The following SVEP1 variants were observed in gnomAD, a reference collection of about 807,000 sequenced individuals.
SVEP1 encodes the protein sushi, von Willebrand factor type A, EGF and pentraxin domain-containing protein 1.
SVEP1 carries 164 observed loss-of-function variants against 367.3 expected under a neutral mutation model. The ratio of observed to expected loss-of-function variants is 0.45; its 90% CI spans 0.39 to 0.51. SVEP1 has a LOEUF of 0.51. Ranked by LOEUF, SVEP1 falls within the 20% of genes least tolerant of loss-of-function variation. The probability of loss-of-function intolerance (pLI) is 0.00; values close to 1 mark genes in which losing one functional copy is unlikely to be tolerated. For synonymous variants in SVEP1, 1,666 were observed against 1,611.6 expected (o/e 1.03, Z -0.81); for missense variants, 4,117 against 4,425.3 (o/e 0.93, Z 1.98).
chr9:110,424,464 A>G (rs1219739545), intron 36 of SVEP1, among the ~76,000 whole-genome samples: 3 of 152,186 alleles, frequency 2.0e-5, no homozygotes, highest in Admixed American at 2.0e-4. Context: ...TTATGGGGGA[A>G]TATGTATTTA....
At position 110,549,933 on chromosome 9, in the gene SVEP1, C is replaced by A. The variant is rs942744358; in HGVS notation, c.703G>T (p.Ala235Ser). 3.7e-6 allele frequency: 6 copies of A among 1,614,012 alleles called. No individual in the cohort carries two copies. Among genetic ancestry groups the A allele is most frequent in the Non-Finnish European group, 5.1e-6 (6 of 1,179,898 alleles). Residue 235 changes from alanine (A) to serine (S), a missense_variant, in exon 2 of 48, where the codon GCT becomes TCT. By Grantham distance (99) the Ala-to-Ser change is moderately conservative (BLOSUM62 1). Transcript: ENST00000374469. ...QGNIRELNDM[A>S]STPKEEHCYL... The stretch of plus-strand genomic sequence containing the variant: ...CAGTGCTCCTCCTTTGGGGTGGAAG[C>A]CATGTCATTCAGCTCTCGAATGTTC...
intron 24 of SVEP1, among the ~76,000 whole-genome samples, chr9:110,447,585 T>G (rs1286132178): frequency 2.0e-5 from 3 of 152,222 alleles, no homozygotes; most frequent in African/African-American, 7.2e-5. Context: ...CAAACCATTT[T>G]AAACTCATCA....
intron 28 of SVEP1, among the ~76,000 whole-genome samples, chr9:110,435,715 A>T (rs965191756): frequency 6.6e-6 from 1 of 152,222 alleles, no homozygotes; most frequent in African/African-American, 2.4e-5. Flanking sequence ...GAGGAAGCTG[A>T]GGCTTAGAGA....
chr9:110,504,528 C>A (rs1470818264), intron 5 of SVEP1, among the ~76,000 whole-genome samples: 3 of 152,074 alleles, frequency 2.0e-5, no homozygotes, highest in Admixed American at 2.0e-4. Context: ...GATGGTATAG[C>A]AAAAAACATA....
In SVEP1 at chr9:110,514,341, G is replaced by A. The variant is rs190162695; in HGVS notation, c.965-235C>T. Among the ~76,000 whole-genome samples the A allele has an allele frequency of 3.5e-3, 537 of 151,700 alleles. 2 individuals are homozygous for A. Among genetic ancestry groups the A allele is most frequent in the African/African-American group, 0.012 (497 of 41,390 alleles). On this transcript the variant is annotated intron_variant, in intron 3 of 47. Coordinates refer to ENST00000374469, the MANE Select transcript of SVEP1 (RefSeq NM_153366.4). ...AGCCTGGCCAACATGATGAAACCCT[G>A]TCTCTACTAAAAATACAAAAAATTA...
At position 110,434,278 on chromosome 9, in the gene SVEP1, G is replaced by A. The variant is rs76176142; in HGVS notation, c.5059+58C>T. 1.4e-5 allele frequency: 22 copies of A among 1,519,610 alleles called. No homozygotes were observed. The East Asian group carries it at 4.5e-4, about 31-fold the overall frequency. 94.1% of individuals were successfully genotyped at this position (1,519,610 alleles called of 1,614,324 possible). A position where few individuals can be genotyped will look rare whatever the true frequency, so the allele number is the denominator to read the frequency against. On this transcript the variant is annotated intron_variant, in intron 30 of 47. Coordinates refer to ENST00000374469, the MANE Select transcript of SVEP1 (RefSeq NM_153366.4). ...TCTTTGTCTAGCATTCCTGAAAAGA[G>A]TTATGTTTTCAATATTTTTCAAAAG...
At chr9:110,374,134 C>G (rs751399835) in intron 46 of SVEP1, among the ~76,000 whole-genome samples, 26 of 152,062 alleles carry the variant, frequency 1.7e-4, no homozygotes, top group Admixed American at 3.9e-4. Context: ...TTATTTTGTT[C>G]TGATCCTCTC....
At chr9:110,522,787 C>G (rs918914497) in intron 3 of SVEP1, among the ~76,000 whole-genome samples, 1 of 151,862 alleles carries the variant, frequency 6.6e-6, no homozygotes, top group Admixed American at 6.6e-5. Context: ...TCTTTCTTCA[C>G]TCCTCTACCT....
At chr9:110,373,459 T>C (rs927904264) in intron 46 of SVEP1, among the ~76,000 whole-genome samples, 15 of 152,278 alleles carry the variant, frequency 9.9e-5, no homozygotes, top group Admixed American at 9.1e-4. Context: ...CTAAATTATA[T>C]GGTCTTTCCA....
chr9:110,521,654 T>A (rs1274911650), intron 3 of SVEP1, among the ~76,000 whole-genome samples: 7 of 152,170 alleles, frequency 4.6e-5, no homozygotes, highest in Non-Finnish European at 1.0e-4. Context: ...AAATGAATCC[T>A]TTGTTGTTGA....
intron 5 of SVEP1, among the ~76,000 whole-genome samples, chr9:110,505,093 G>A (rs139991493): frequency 2.0e-5 from 3 of 152,232 alleles, no homozygotes; most frequent in African/African-American, 4.8e-5. Context: ...AAAGTGCCAC[G>A]AGTTATCCAG....
rs774070800 is a variant in SVEP1 at position 110,503,228 on chromosome 9, T to G, written c.1304-11A>C. 3 of 1,602,276 alleles carry G rather than the reference T, an allele frequency of 1.9e-6. No individual in the cohort carries two copies. The highest frequency in any genetic ancestry group is 2.2e-5 in the East Asian group (1 of 44,834). ...GAGGACATGTTCTTACTATGTAAAA[T>G]GAAAGCAATTAGATCACATTTTGCT... On this transcript the variant is annotated splice_polypyrimidine_tract_variant and intron_variant, in intron 5 of 47. Transcript: ENST00000374469.
chr9:110,549,415 G>C (rs1830256254), intron 2 of SVEP1, among the ~76,000 whole-genome samples: 1 of 152,108 alleles, frequency 6.6e-6, no homozygotes, highest in Non-Finnish European at 1.5e-5. Context: ...TATGTGTTAA[G>C]TATTTATTGT....
intron 6 of SVEP1, among the ~76,000 whole-genome samples, chr9:110,500,350 A>G (rs997157653): frequency 2.6e-5 from 4 of 152,242 alleles, no homozygotes; most frequent in Non-Finnish European, 5.9e-5. Context: ...GGGCCTATAT[A>G]AAGTAAGAAA....
At chr9:110,388,635 C>G (rs1299638783) in intron 41 of SVEP1, among the ~76,000 whole-genome samples, 2 of 152,052 alleles carry the variant, frequency 1.3e-5, no homozygotes, top group East Asian at 1.9e-4. Context: ...AGATCTTAAC[C>G]TTGGCTGCAC....
chr9:110,543,535 C>T (rs1438215283), intron 3 of SVEP1, among the ~76,000 whole-genome samples: 1 of 152,164 alleles, frequency 6.6e-6, no homozygotes, highest in Admixed American at 6.5e-5. Flanking sequence ...GACAAGGCTA[C>T]TTGGGTAACT....
intron 40 of SVEP1, among the ~76,000 whole-genome samples, chr9:110,397,894 TATC>T (rs1459558315): frequency 6.6e-6 from 1 of 151,902 alleles, no homozygotes; most frequent in Non-Finnish European, 1.5e-5. Flanking sequence ...GAAGAATCAA[TATC>T]ATGAAAATGG....
Position 110,434,851 on chromosome 9 carries a change from TTG to T in SVEP1, c.4889-347_4889-346del, listed in dbSNP as rs1828409849. ...TGATCATTCAGTTTTAGTGTGCAGA[TTG>T]CAACATCCATCGCTTTTCTCCCTGT... On this transcript the variant is annotated intron_variant, in intron 29 of 47. Transcript: ENST00000374469. Among the ~76,000 whole-genome samples, 7 of 152,002 alleles carry T rather than the reference TTG, an allele frequency of 4.6e-5. No individual in the cohort carries two copies. The South Asian group carries it at 1.5e-3, about 32-fold the overall frequency.
chr9:110,521,657 G>A (rs1280074558), intron 3 of SVEP1, among the ~76,000 whole-genome samples: 1 of 152,126 alleles, frequency 6.6e-6, no homozygotes, highest in Admixed American at 6.5e-5. Context: ...TGAATCCTTT[G>A]TTGTTGAAAG....
Sources: gnomAD v4.1 joint callset for allele counts (sites outside exome capture counted in the v4.1 genomes callset) on GRCh38, gnomAD v4.1.1 for gene constraint, MANE v1.5 for transcripts, NCBI Gene and HGNC (gene_info 2026-07-23, HGNC 2026-07-21) for gene names.